Variants in RANBP17 observed in about 807,000 individuals in gnomAD.
RANBP17 encodes the protein ran-binding protein 17.
In RANBP17, 158 loss-of-function variants were observed where a neutral mutation model predicts 141.2. The observed-to-expected ratio is 1.12, with a 90% CI of 0.98 to 1.28. RANBP17 has a LOEUF of 1.28. Ranked by LOEUF, RANBP17 falls within the 50% of genes most tolerant of loss-of-function variation. The pLI is 0.00. For synonymous variants in RANBP17, 430 were observed against 450.0 expected (o/e 0.96, Z 0.56); for missense variants, 1,438 against 1,290.7 (o/e 1.11, Z -1.75).
At chr5:170,985,667 C>T (rs546207520) in intron 14 of RANBP17, among the ~76,000 whole-genome samples, 1 of 152,234 alleles carries the variant, frequency 6.6e-6, no homozygotes, top group East Asian at 1.9e-4. Context: ...GCTTTCTTTC[C>T]AGTACCTTTC....
intron 14 of RANBP17, among the ~76,000 whole-genome samples, chr5:171,124,620 A>G (rs556535344): frequency 6.6e-6 from 1 of 152,280 alleles, no homozygotes; most frequent in African/African-American, 2.4e-5. Flanking sequence ...AAAAACAACA[A>G]AAGTGTTCAG....
At chr5:170,959,566 C>T (rs1390461959) in intron 13 of RANBP17, among the ~76,000 whole-genome samples, 1 of 152,134 alleles carries the variant, frequency 6.6e-6, no homozygotes, top group East Asian at 1.9e-4. Flanking sequence ...GAGTTAGGGG[C>T]ACCAACCTTC....
intron 25 of RANBP17, among the ~76,000 whole-genome samples, chr5:171,281,700 GGTCC>G: frequency 6.6e-6 from 1 of 152,280 alleles, no homozygotes; most frequent in Non-Finnish European, 1.5e-5. Flanking sequence ...ACACACTGTA[GGTCC>G]TCAATAAGTA....
chr5:170,983,392 G>A (rs1348229238), intron 14 of RANBP17: 4 of 232,226 alleles, frequency 1.7e-5, no homozygotes, highest in Admixed American at 5.6e-5. Context: ...ATAAAACTTA[G>A]GTAAATGAAA....
At chr5:170,944,367 A>G (rs2127480907) in intron 12 of RANBP17, among the ~76,000 whole-genome samples, 2 of 152,284 alleles carry the variant, frequency 1.3e-5, no homozygotes, top group Middle Eastern at 6.8e-3. Context: ...CCCAGGTTCA[A>G]GCTATTCTCC....
intron 24 of RANBP17, among the ~76,000 whole-genome samples, chr5:171,260,479 A>G (rs1339579515): frequency 4.6e-5 from 7 of 151,294 alleles, no homozygotes; most frequent in East Asian, 1.9e-4. Flanking sequence ...AAAAAAAAAA[A>G]AGAGATAGAT....
At chr5:170,915,214 A>G (rs1771853752) in intron 8 of RANBP17, among the ~76,000 whole-genome samples, 2 of 152,222 alleles carry the variant, frequency 1.3e-5, no homozygotes, top group South Asian at 2.1e-4. Flanking sequence ...TAAAAAATAA[A>G]GTAGAAAACA....
chr5:171,132,906 A>T (rs1415541042), intron 14 of RANBP17, among the ~76,000 whole-genome samples: 1 of 151,330 alleles, frequency 6.6e-6, no homozygotes, highest in Non-Finnish European at 1.5e-5. Flanking sequence ...TTTTTTTGAG[A>T]CGGAGTTTCG....
At chr5:170,904,191 C>A in intron 5 of RANBP17, 1 of 293,418 alleles carries the variant, frequency 3.4e-6, no homozygotes, top group South Asian at 4.6e-5. Flanking sequence ...CAGCCTGTCC[C>A]TCCTGTGGAC....
intron 12 of RANBP17, among the ~76,000 whole-genome samples, chr5:170,926,671 T>C (rs987738104): frequency 2.0e-5 from 3 of 150,764 alleles, no homozygotes; most frequent in African/African-American, 7.3e-5. Flanking sequence ...AAAAATTTTT[T>C]TGAAGAGGTA....
At chr5:171,237,536 G>A (rs571913138) in intron 22 of RANBP17, among the ~76,000 whole-genome samples, 25 of 152,206 alleles carry the variant, frequency 1.6e-4, no homozygotes, top group African/African-American at 5.3e-4. Flanking sequence ...CCCAGCTTAC[G>A]GATGTTACAG....
chr5:170,883,217 A>G (rs1465113659), intron 3 of RANBP17, among the ~76,000 whole-genome samples: 1 of 152,256 alleles, frequency 6.6e-6, no homozygotes, highest in Non-Finnish European at 1.5e-5. Flanking sequence ...AATAGTGTAA[A>G]GCTAAGTCAT....
intron 1 of RANBP17, among the ~76,000 whole-genome samples, chr5:170,867,417 T>A (rs930841354): frequency 6.6e-6 from 1 of 152,226 alleles, no homozygotes; most frequent in Non-Finnish European, 1.5e-5. Flanking sequence ...AATACTTTTG[T>A]AAACTATAAA....
At chr5:171,019,645 C>T (rs936134362) in intron 14 of RANBP17, among the ~76,000 whole-genome samples, 1 of 151,788 alleles carries the variant, frequency 6.6e-6, no homozygotes, top group African/African-American at 2.4e-5. Flanking sequence ...TGATTCTTCT[C>T]TCTTTTCTTC....
At chr5:170,920,394 C>T (rs1257288364) in intron 11 of RANBP17, among the ~76,000 whole-genome samples, 1 of 152,010 alleles carries the variant, frequency 6.6e-6, no homozygotes, top group Admixed American at 6.6e-5. Context: ...TGTGGTTTTC[C>T]CTTAATGACT....
intron 24 of RANBP17, among the ~76,000 whole-genome samples, chr5:171,262,498 C>T (rs1231567090): frequency 6.6e-6 from 1 of 152,054 alleles, no homozygotes; most frequent in Admixed American, 6.6e-5. Flanking sequence ...AGGGAAAGCT[C>T]TATTTTTGGC....
chr5:171,066,810 C>G (rs889784826), intron 14 of RANBP17, among the ~76,000 whole-genome samples: 4 of 152,094 alleles, frequency 2.6e-5, no homozygotes, highest in Admixed American at 2.0e-4. Flanking sequence ...GTTCCCAGAT[C>G]TTTTTTAAAA....
chr5:171,044,669 TAAAC>T (rs1166103955), intron 14 of RANBP17, among the ~76,000 whole-genome samples: 2 of 152,066 alleles, frequency 1.3e-5, no homozygotes, highest in Non-Finnish European at 2.9e-5. Context: ...ATCTGCTCGT[TAAAC>T]AATAGTGTCT....
chr5:171,038,195 T>TGC (rs796165336), intron 14 of RANBP17, among the ~76,000 whole-genome samples: 38 of 150,348 alleles, frequency 2.5e-4, no homozygotes, highest in South Asian at 6.4e-4. Flanking sequence ...TGTGTGTGTG[T>TGC]GCACGTGCAC....
Sources: allele counts gnomAD v4.1 joint callset (sites outside exome capture counted in the v4.1 genomes callset), GRCh38; gene constraint gnomAD v4.1.1; transcripts MANE v1.5; gene names NCBI Gene and HGNC (gene_info 2026-07-23, HGNC 2026-07-21).